S100PBP: variants seen among roughly 807,000 people sequenced by gnomAD.
The protein encoded by S100PBP is S100P-binding protein.
S100PBP carries 15 observed loss-of-function variants against 39.9 expected under a neutral mutation model. The observed-to-expected ratio is 0.38, with a 90% CI of 0.25 to 0.58. The LOEUF is 0.58. S100PBP is among the 20% of genes least tolerant of loss of function. The pLI is 0.70. For synonymous variants in S100PBP, 178 were observed against 180.3 expected (o/e 0.99, Z 0.10); for missense variants, 504 against 487.3 (o/e 1.03, Z -0.32).
At chr1:32,824,991 G>A (rs1639262092) in intron 1 of S100PBP, 2 of 151,960 alleles carry the variant, frequency 1.3e-5, no homozygotes. Context: ...CAAGTTATTG[G>A]AGCTGGCTAG....
chr1:32,842,215 A>ATATG (rs1365165429), intron 5 of S100PBP, among the ~76,000 whole-genome samples: 2 of 58,626 alleles, frequency 3.4e-5, no homozygotes, highest in South Asian at 5.1e-4. Context: ...ATATATATAT[A>ATATG]TATATGTATA....
chr1:32,847,234 T>A (rs1433713898), intron 5 of S100PBP: 1 of 152,250 alleles, frequency 6.6e-6, no homozygotes, highest in Non-Finnish European at 1.5e-5. Flanking sequence ...GAACAACTTG[T>A]AATGTTTGTT....
At chr1:32,831,939 C>T (rs373639737) in intron 5 of S100PBP, among the ~76,000 whole-genome samples, 2 of 152,182 alleles carry the variant, frequency 1.3e-5, no homozygotes, top group African/African-American at 4.8e-5. Flanking sequence ...ACATCATTTT[C>T]AATCTTTTCC....
At chr1:32,841,289 A>G (rs780910685) in intron 5 of S100PBP, among the ~76,000 whole-genome samples, 1 of 152,146 alleles carries the variant, frequency 6.6e-6, no homozygotes, top group Non-Finnish European at 1.5e-5. Flanking sequence ...CTCCCAGTAT[A>G]TGCCTTGTCT....
At chr1:32,845,746 C>T (rs1640339763) in intron 5 of S100PBP, among the ~76,000 whole-genome samples, 1 of 151,012 alleles carries the variant, frequency 6.6e-6, no homozygotes, top group Non-Finnish European at 1.5e-5. Context: ...GTGGTACAAT[C>T]ATGGTTCACT....
intron 5 of S100PBP, 124 bp from the exon 6 acceptor site, chr1:32,852,955 A>G: frequency 1.5e-6 from 1 of 649,600 alleles, no homozygotes. Context: ...ACTGCTTGTG[A>G]TAATTGTAAG....
At chr1:32,816,785 C>T (rs566444536), upstream of S100PBP, 10 of 222,686 alleles carry the variant, frequency 4.5e-5, no homozygotes, top group Admixed American at 3.1e-4. Context: ...CCCTTTAAAG[C>T]TCCCAGTATA....
chr1:32,823,322 C>CT (rs1055705452), intron 1 of S100PBP, among the ~76,000 whole-genome samples: 2 of 152,074 alleles, frequency 1.3e-5, no homozygotes, highest in South Asian at 2.1e-4. Flanking sequence ...CCATACTAAA[C>CT]TTTTTTTTCT....
intron 1 of S100PBP, among the ~76,000 whole-genome samples, chr1:32,821,013 T>TAATA (rs1475916735): frequency 4.6e-5 from 7 of 151,670 alleles, no homozygotes; most frequent in Non-Finnish European, 1.0e-4. Context: ...AAAAGTAACA[T>TAATA]AATGAACATT....
In S100PBP at chr1:32,858,736, C is replaced by T. The variant is rs1434918463; in HGVS notation, c.*2698C>T. ...AGGAGCCTGAAATAACCTGTAGTTTCGAATGCAGGCCCTGATTTACTGGCG... is the reference window on the plus strand; with the variant it reads ...AGGAGCCTGAAATAACCTGTAGTTTTGAATGCAGGCCCTGATTTACTGGCG... On this transcript the variant is annotated 3_prime_UTR_variant, in exon 7 of 7. Transcript: ENST00000373475. The T allele has an allele frequency of 1.3e-5, 2 of 152,140 alleles. No homozygotes were observed. Among genetic ancestry groups the T allele is most frequent in the African/African-American group, 4.8e-5 (2 of 41,432 alleles). 9.4% of individuals were successfully genotyped at this position (152,140 alleles called of 1,614,324 possible).
At chr1:32,853,967 G>A (rs1386031676) in intron 6 of S100PBP, among the ~76,000 whole-genome samples, 1 of 151,770 alleles carries the variant, frequency 6.6e-6, no homozygotes, top group East Asian at 1.9e-4. Context: ...TTTGCAACTT[G>A]GTGTCAAAGG....
At chr1:32,852,900 C>T in intron 5 of S100PBP, 179 bp from the exon 6 acceptor site, 1 of 537,934 alleles carries the variant, frequency 1.9e-6, no homozygotes, top group South Asian at 2.2e-5. Flanking sequence ...TCACCTTCAC[C>T]CTCCAAGAGT....
At chr1:32,836,200 T>G (rs1413985504) in intron 5 of S100PBP, 1 of 151,702 alleles carries the variant, frequency 6.6e-6, no homozygotes, top group Admixed American at 6.6e-5. Context: ...TGGTACAGTC[T>G]TGGCTCACTG....
chr1:32,856,330 G>T lies in S100PBP; in HGVS notation c.*292G>T. On this transcript the variant is annotated 3_prime_UTR_variant, in exon 7 of 7. Coordinates refer to ENST00000373475, the MANE Select transcript of S100PBP (RefSeq NM_022753.4). ...GAAGGTAGCTGCCTCCTGAAAGCCA[G>T]CATTAAGCCAGAACACCCAGGTTCA... is the stretch of plus-strand genomic sequence containing the variant. 5.2e-6 allele frequency: 1 copy of T among 190,908 alleles called. No homozygotes were observed. 11.8% of individuals were successfully genotyped at this position (190,908 alleles called of 1,614,324 possible).
intron 5 of S100PBP, among the ~76,000 whole-genome samples, chr1:32,844,874 G>A (rs1262109055): frequency 1.3e-5 from 2 of 151,312 alleles, no homozygotes; most frequent in African/African-American, 4.9e-5. Flanking sequence ...TGTTGCCCAG[G>A]CTGGAGTGCA....
intron 5 of S100PBP, 69 bp from the exon 6 acceptor site, chr1:32,853,008 AAC>A (rs1157999565): frequency 3.9e-6 from 4 of 1,032,730 alleles, no homozygotes; most frequent in East Asian, 2.4e-5. Context: ...TTTCCCTGAA[AAC>A]ACATACTTTG....
intron 5 of S100PBP, among the ~76,000 whole-genome samples, chr1:32,848,670 G>T (rs1640485156): frequency 6.6e-6 from 1 of 152,142 alleles, no homozygotes; most frequent in African/African-American, 2.4e-5. Context: ...GTCAGAATTG[G>T]CATAGCAGGT....
chr1:32,853,236 C>G (rs1299224175), intron 6 of S100PBP, 70 bp downstream of exon 6: 1 of 1,107,892 alleles, frequency 9.0e-7, no homozygotes, highest in Non-Finnish European at 1.3e-6. Flanking sequence ...ACCTGTAATC[C>G]CAGCACTTTG....
At chr1:32,848,022 C>G (rs1054898357) in intron 5 of S100PBP, among the ~76,000 whole-genome samples, 2 of 152,026 alleles carry the variant, frequency 1.3e-5, no homozygotes, top group African/African-American at 4.8e-5. Context: ...GAAATGTGTG[C>G]CTCTAACTAG....
Sources: allele counts gnomAD v4.1 joint callset (sites outside exome capture counted in the v4.1 genomes callset), GRCh38; gene constraint gnomAD v4.1.1; transcripts MANE v1.5; gene names NCBI Gene and HGNC (gene_info 2026-07-23, HGNC 2026-07-21).